The following TLN1 variants were observed in gnomAD, a reference collection of about 807,000 sequenced individuals.
TLN1 encodes the protein talin 1.
A neutral mutation model predicts 292.3 loss-of-function variants in TLN1; 56 were observed. That is an observed-to-expected ratio of 0.19 (90% confidence interval 0.15 to 0.24). The LOEUF (loss-of-function observed/expected upper bound fraction) is 0.24. Among genes scored for constraint, TLN1 ranks in the 10% least tolerant of loss-of-function variants. TLN1 has a pLI of 1.00. For missense variants in TLN1, 2,433 were observed against 3,248.2 expected (o/e 0.75, Z 6.10); for synonymous variants, 1,119 against 1,253.7 (o/e 0.89, Z 2.27).
At chr9:35,708,588 G>A in intron 33 of TLN1, 104 bp from the exon 34 acceptor site, 2 of 1,201,778 alleles carry the variant, frequency 1.7e-6, no homozygotes, top group South Asian at 2.6e-5. Flanking sequence ...TAGAGAATAG[G>A]GCTTATTTTC....
chr9:35,707,564 T>G lies in TLN1; in HGVS notation c.4633-76A>C, dbSNP rs1276518760. 2.9e-5 allele frequency: 46 copies of G among 1,584,852 alleles called. No homozygotes were observed. Among genetic ancestry groups the G allele is most frequent in the Non-Finnish European group, 3.8e-5 (44 of 1,161,666 alleles). ...ATAGGAAGTGAAGTCCAGGTCTCCT[T>G]CCTGGGACTTACAGGATTTGGGGAG... On this transcript the variant is annotated intron_variant, in intron 35 of 56. Transcript: ENST00000314888. The surrounding 1 kb of genome is among the most constrained non-coding windows in gnomAD (Gnocchi z 5.6).
At chr9:35,722,335 A>G in intron 8 of TLN1, 112 bp from the exon 9 acceptor site, 1 of 926,778 alleles carries the variant, frequency 1.1e-6, no homozygotes, top group Admixed American at 1.9e-5. Context: ...GGAAAGGTTG[A>G]GGAGTACAAG....
intron 10 of TLN1, 96 bp downstream of exon 10, chr9:35,721,549 ATAC>A: frequency 7.4e-7 from 1 of 1,350,506 alleles, no homozygotes. Context: ...TTCTGGAGTA[ATAC>A]TCAGTATACT....
chr9:35,699,176 G>A lies in TLN1; in HGVS notation c.6875-20C>T. On this transcript the variant is annotated intron_variant, in intron 51 of 56. Transcript: ENST00000314888. This position sits in a 1 kb window ranked among gnomAD's most constrained non-coding sequence, Gnocchi z 4.0. ...CTGTTCCTGGTGGGATGAAGGAAGA[G>A]GAAAGAGGCTAAGGCAGAGTGGGGA... 4 of 1,597,962 alleles carry A rather than the reference G, an allele frequency of 2.5e-6. No homozygotes were observed. Among genetic ancestry groups the A allele is most frequent in the Non-Finnish European group, 3.4e-6 (4 of 1,170,542 alleles).
chr9:35,715,975 G>T (rs1340257035), intron 20 of TLN1, among the ~76,000 whole-genome samples: 1 of 152,078 alleles, frequency 6.6e-6, no homozygotes, highest in African/African-American at 2.4e-5. Context: ...ATAAATGATG[G>T]ATATGTTAAT....
chr9:35,730,465 TAA>T (rs1323808170), intron 1 of TLN1, among the ~76,000 whole-genome samples: 1 of 151,674 alleles, frequency 6.6e-6, no homozygotes, highest in African/African-American at 2.4e-5. Context: ...TCCAAGAAAT[TAA>T]AAGAGGCTTA....
At chr9:35,725,784 C>T in intron 1 of TLN1, 57 bp from the exon 2 acceptor site, 1 of 1,515,304 alleles carries the variant, frequency 6.6e-7, no homozygotes, top group Non-Finnish European at 9.0e-7. Flanking sequence ...AAGAGGCCCC[C>T]CAGATGGTGG....
At chr9:35,723,863 G>C (rs1825920868) in intron 7 of TLN1, 89 bp downstream of exon 7, 6 of 1,564,802 alleles carry the variant, frequency 3.8e-6, no homozygotes, top group Non-Finnish European at 3.5e-6. Context: ...AAATAGTGGG[G>C]GGCAGGCTTG....
intron 1 of TLN1, among the ~76,000 whole-genome samples, chr9:35,729,688 C>T (rs988502430): frequency 1.1e-4 from 16 of 152,208 alleles, no homozygotes; most frequent in African/African-American, 3.9e-4. Context: ...GTAGAAATGA[C>T]AGGACCTAAT....
At chr9:35,700,444 G>A (rs1265111994) in intron 48 of TLN1, 68 bp from the exon 49 acceptor site, 2 of 1,475,068 alleles carry the variant, frequency 1.4e-6, no homozygotes, top group African/African-American at 1.4e-5. Flanking sequence ...AGAACTCTGT[G>A]TGCATGTGAT....
In TLN1 at chr9:35,698,646, C is replaced by T; in HGVS notation, c.7159G>A (p.Gly2387Arg). The change falls in exon 54 of 57, where the codon GGG (glycine) becomes AGG (arginine). Residue 2387 changes from glycine (G) to arginine (R), a missense_variant. Physicochemically the swap from Gly to Arg is moderately radical, Grantham distance 125 (BLOSUM62 -2). Transcript: ENST00000314888. The surrounding 1 kb of genome is among the most constrained non-coding windows in gnomAD (Gnocchi z 5.3). ...GAAATGAGGCCCTGGGACCACTGCC[C>T]ATCGTCCAGTGCATTGGCTGGAATG... is the stretch of plus-strand genomic sequence containing the variant. Reference protein sequence around the residue: ...GAIPANALDDGQWSQGLISAA... With the variant: ...GAIPANALDDRQWSQGLISAA... The T allele has an allele frequency of 6.2e-7, 1 of 1,614,186 alleles. No homozygotes were observed. The highest frequency in any genetic ancestry group is 8.5e-7 in the Non-Finnish European group (1 of 1,180,052).
In TLN1 at chr9:35,706,330, G is replaced by C; in HGVS notation, c.5227C>G (p.Leu1743Val). The C allele has an allele frequency of 6.2e-7, 1 of 1,612,454 alleles. No homozygotes were observed. The highest frequency in any genetic ancestry group is 8.5e-7 in the Non-Finnish European group (1 of 1,179,066). Residue 1743 changes from leucine (L) to valine (V), a missense_variant, in exon 40 of 57, where the codon CTG becomes GTG. Leu to Val is a conservative substitution (Grantham distance 32). Around this residue, in one of 7 missense-constraint regions of TLN1, gnomAD observed 1,384 missense variants for 1,699.6 expected, o/e 0.81. Transcript: ENST00000314888. This position sits in a 1 kb window ranked among gnomAD's most constrained non-coding sequence, Gnocchi z 4.2. The part of the protein sequence containing the change: ...QMAQYFEPLT[L>V]AAVGAASKTL... ...TTGGAGGCAGCACCCACTGCAGCCA[G>C]GGTGAGCGGCTCAAAGTACTGCGCC...
At chr9:35,708,615 T>G in intron 33 of TLN1, 131 bp from the exon 34 acceptor site, 2 of 847,782 alleles carry the variant, frequency 2.4e-6, no homozygotes, top group Non-Finnish European at 3.3e-6. Context: ...TCTCCATGAG[T>G]GGAGATACAT....
rs150967775 is a variant in TLN1, at chr9:35,707,390, G to A, written c.4731C>T (p.Ser1577=). 899 of 1,614,050 alleles carry A rather than the reference G, an allele frequency of 5.6e-4. 1 individual carries two copies. Among genetic ancestry groups the A allele is most frequent in the Non-Finnish European group, 6.9e-4 (819 of 1,180,052 alleles). Residue 1577 remains serine, a synonymous_variant, in exon 36 of 57, where the codon TCC becomes TCT. Transcript: ENST00000314888. This position sits in a 1 kb window ranked among gnomAD's most constrained non-coding sequence, Gnocchi z 5.6. The part of the protein sequence containing the change: ...EAVDNLSAFA[S]NPEFSSIPAQ... ...CAGGAATGCTGGAGAACTCAGGGTT[G>A]GACGCAAAGGCACTCAGATTGTCCA...
rs773910550 is a variant in TLN1, at chr9:35,698,920, G to C, written c.7013C>G (p.Ser2338Cys). The C allele has an allele frequency of 4.3e-6, 7 of 1,613,912 alleles. No individual in the cohort carries two copies. The African/African-American group carries it at 8.0e-5, about 18-fold the overall frequency. Residue 2338 changes from serine to cysteine, a missense_variant, in exon 53 of 57, where the codon TCC (serine) becomes TGC (cysteine). This residue lies in a region of TLN1 where 1,384 missense variants were observed against 1,699.6 expected (regional missense o/e 0.81). Coordinates refer to ENST00000314888, the MANE Select transcript of TLN1 (RefSeq NM_006289.4). The surrounding 1 kb of genome is among the most constrained non-coding windows in gnomAD (Gnocchi z 5.3). ...PRAKPKEADE[S>C]LNFEEQILEA... ...TAGTATCTGCTCCTCAAAGTTCAAG[G>C]ACTCATCTGCCTCCTGCAATAAGCG...
At chr9:35,720,998 C>G in intron 10 of TLN1, 85 bp from the exon 11 acceptor site, 2 of 1,017,568 alleles carry the variant, frequency 2.0e-6, no homozygotes, top group East Asian at 2.5e-5. Flanking sequence ...CAAGGTTGAG[C>G]TGATGAGATG....
At position 35,725,000 on chromosome 9, in the gene TLN1, T is replaced by C. The variant is rs1419214183; in HGVS notation, c.229-41A>G. Reference sequence around the variant, plus strand: ...GAAGAGACAGGGGCCTACTCTGAGCTAGGGGTATTATTTCCTCTTTACACA... The same window carrying C: ...GAAGAGACAGGGGCCTACTCTGAGCCAGGGGTATTATTTCCTCTTTACACA... On this transcript the variant is annotated intron_variant, in intron 3 of 56. Coordinates refer to ENST00000314888, the MANE Select transcript of TLN1 (RefSeq NM_006289.4). This position sits in a 1 kb window ranked among gnomAD's most constrained non-coding sequence, Gnocchi z 4.7. 1 of 1,612,772 alleles carries C rather than the reference T, an allele frequency of 6.2e-7. No individual in the cohort carries two copies. The highest frequency in any genetic ancestry group is 2.2e-5 in the East Asian group (1 of 44,874).
chr9:35,727,641 G>A (rs1826000634), intron 1 of TLN1, among the ~76,000 whole-genome samples: 1 of 152,158 alleles, frequency 6.6e-6, no homozygotes, highest in Non-Finnish European at 1.5e-5. Context: ...GACAGACCTG[G>A]CTATGGGGTT....
Position 35,716,418 on chromosome 9 carries a change from G to A in TLN1, c.2597C>T (p.Ala866Val). 6.2e-7 allele frequency: 1 copy of A among 1,614,176 alleles called. No homozygotes were observed. The highest frequency in any genetic ancestry group is 8.5e-7 in the Non-Finnish European group (1 of 1,180,028). Residue 866 changes from alanine to valine, a missense_variant, in exon 20 of 57, where the codon GCC becomes GTC. Physicochemically the swap from Ala to Val is moderately conservative, Grantham distance 64 (BLOSUM62 0). Transcript: ENST00000314888. ...GGCAGCCTCTACCATCTTGGCTGTG[G>A]CATCAGCTAGGATCTTGGCAGCACT... is the stretch of plus-strand genomic sequence containing the variant. ...LLSAAKILAD[A>V]TAKMVEAAKG...
Sources: allele counts gnomAD v4.1 joint callset (sites outside exome capture counted in the v4.1 genomes callset), GRCh38; gene constraint gnomAD v4.1.1; regional missense constraint gnomAD v4.1.1; non-coding constraint Gnocchi (gnomAD v3.1); transcripts MANE v1.5; gene names NCBI Gene and HGNC (gene_info 2026-07-23, HGNC 2026-07-21).